The following SPAG16 variants were observed in gnomAD, a reference collection of about 807,000 sequenced individuals.
SPAG16 encodes the protein sperm-associated antigen 16 protein.
Under a neutral mutation model 80.4 loss-of-function variants are expected in SPAG16, and 86 were observed. That is an observed-to-expected ratio of 1.07 (90% CI 0.90 to 1.28). SPAG16 has a LOEUF of 1.28. Among genes scored for constraint, SPAG16 ranks in the 50% most tolerant of loss-of-function variants. The pLI is 0.00. For synonymous variants in SPAG16, 294 were observed against 265.9 expected (o/e 1.11, Z -1.03); for missense variants, 870 against 765.3 (o/e 1.14, Z -1.61).
chr2:213,478,485 T>G (rs1191963255), intron 9 of SPAG16, among the ~76,000 whole-genome samples: 2 of 152,124 alleles, frequency 1.3e-5, no homozygotes, highest in East Asian at 1.9e-4. Flanking sequence ...AATAGAAAAT[T>G]TTTAAGTGTG....
chr2:213,544,157 A>C (rs189335060), intron 10 of SPAG16, among the ~76,000 whole-genome samples: 1 of 151,232 alleles, frequency 6.6e-6, no homozygotes, highest in Non-Finnish European at 1.5e-5. Flanking sequence ...TTTTTCTTCT[A>C]TATGGTCCCA....
intron 15 of SPAG16, among the ~76,000 whole-genome samples, chr2:214,408,800 G>C (rs971915327): frequency 6.6e-6 from 1 of 152,144 alleles, no homozygotes; most frequent in Non-Finnish European, 1.5e-5. Flanking sequence ...TCGAAGTGCT[G>C]TGATTAAATG....
chr2:214,292,902 T>A (rs572515721), intron 15 of SPAG16, among the ~76,000 whole-genome samples: 1 of 152,336 alleles, frequency 6.6e-6, no homozygotes, highest in East Asian at 1.9e-4. Context: ...ATCTGTGATT[T>A]CATCAGCTGT....
At chr2:214,094,716 C>T (rs558636569) in intron 13 of SPAG16, among the ~76,000 whole-genome samples, 1 of 152,092 alleles carries the variant, frequency 6.6e-6, no homozygotes, top group Non-Finnish European at 1.5e-5. Context: ...TTTATGCCTT[C>T]ATTTTCCTCC....
Position 213,397,369 on chromosome 2 carries a change from C to G in SPAG16, c.942+22250C>G, listed in dbSNP as rs188237500. Reference sequence around the variant, plus strand: ...GTCCTGAAAGTCAGATAAGTGTCCCCTTTGCTTCTCATTGCTGCTTTCAGT... The same window carrying G: ...GTCCTGAAAGTCAGATAAGTGTCCCGTTTGCTTCTCATTGCTGCTTTCAGT... On this transcript the variant is annotated intron_variant, in intron 9 of 15. Transcript: ENST00000331683. 3.2e-4 allele frequency among the ~76,000 whole-genome samples: 49 copies of G among 152,290 alleles called. No individual in the cohort carries two copies. The East Asian group carries it at 8.3e-3, about 26-fold the overall frequency.
chr2:213,899,961 A>G, intron 11 of SPAG16, among the ~76,000 whole-genome samples: 1 of 152,160 alleles, frequency 6.6e-6, no homozygotes, highest in East Asian at 1.9e-4. Flanking sequence ...AGCTTTGTAC[A>G]ACTCTTAGTA....
At chr2:213,728,816 G>T (rs2066893078) in intron 10 of SPAG16, among the ~76,000 whole-genome samples, 1 of 144,066 alleles carries the variant, frequency 6.9e-6, no homozygotes, top group South Asian at 2.2e-4. Flanking sequence ...GGCAGAGCTT[G>T]CGGTGAGCTG....
chr2:213,365,633 T>G (rs2066238405), intron 8 of SPAG16, among the ~76,000 whole-genome samples: 1 of 135,378 alleles, frequency 7.4e-6, no homozygotes, highest in South Asian at 2.1e-4. Flanking sequence ...AATTTTTGTA[T>G]TTTTAGTAGA....
At chr2:213,435,817 T>C (rs746969504) in intron 9 of SPAG16, among the ~76,000 whole-genome samples, 2 of 152,304 alleles carry the variant, frequency 1.3e-5, no homozygotes, top group African/African-American at 2.4e-5. Flanking sequence ...ACATAAAATA[T>C]GTATTAAGGG....
intron 15 of SPAG16, among the ~76,000 whole-genome samples, chr2:214,381,754 G>A (rs771037649): frequency 3.3e-5 from 5 of 152,180 alleles, no homozygotes; most frequent in Non-Finnish European, 7.3e-5. Context: ...TAGTCAATCT[G>A]TTACTTAATC....
intron 12 of SPAG16, among the ~76,000 whole-genome samples, chr2:213,992,053 C>T (rs1271860106): frequency 6.6e-6 from 1 of 151,808 alleles, no homozygotes; most frequent in Non-Finnish European, 1.5e-5. Flanking sequence ...AAAGAAAAAG[C>T]CTGTTAATAT....
At chr2:214,017,876 C>T (rs1295277805) in intron 13 of SPAG16, among the ~76,000 whole-genome samples, 1 of 152,042 alleles carries the variant, frequency 6.6e-6, no homozygotes, top group African/African-American at 2.4e-5. Flanking sequence ...TACTATTATG[C>T]ATGCTAGCTT....
rs529177935 is a variant in SPAG16 at position 214,152,959 on chromosome 2, G to A, written c.1720+3693G>A. Among the ~76,000 whole-genome samples the A allele has an allele frequency of 5.9e-5, 9 of 152,206 alleles. No individual in the cohort carries two copies. In the South Asian group the frequency reaches 8.3e-4, roughly 14 times the overall value. On this transcript the variant is annotated intron_variant, in intron 15 of 15. Transcript: ENST00000331683. ...GGTATACAGGATGGAACATGAAGGC[G>A]GACTAGGAGCTTGACCACTGAAGCA...
intron 10 of SPAG16, among the ~76,000 whole-genome samples, chr2:213,599,646 A>C (rs960289053): frequency 3.9e-5 from 6 of 152,208 alleles, no homozygotes; most frequent in African/African-American, 1.4e-4. Flanking sequence ...TGATGTTATC[A>C]GTAAGGCTTC....
In SPAG16 at chr2:213,522,104, C is replaced by T. The variant is rs184695644; in HGVS notation, c.1070+32014C>T. Among the ~76,000 whole-genome samples the T allele has an allele frequency of 1.4e-3, 210 of 152,254 alleles. 2 individuals carry two copies. Among genetic ancestry groups the T allele is most frequent in the African/African-American group, 4.6e-3 (190 of 41,536 alleles). On this transcript the variant is annotated intron_variant, in intron 10 of 15. Coordinates refer to ENST00000331683, the MANE Select transcript of SPAG16 (RefSeq NM_024532.5). ...AGATCTATAGCATTGCTATCTTTTT[C>T]CTGTGGCTGGCTGTAAGAAATTAGC...
chr2:214,288,704 T>C (rs184292223), intron 15 of SPAG16, among the ~76,000 whole-genome samples: 128 of 152,206 alleles, frequency 8.4e-4, no homozygotes, highest in Middle Eastern at 3.4e-3. Context: ...TTTTATCATA[T>C]ACCACTTGAT....
chr2:213,357,303 G>T (rs534157219), intron 7 of SPAG16, among the ~76,000 whole-genome samples: 2 of 152,056 alleles, frequency 1.3e-5, no homozygotes, highest in Non-Finnish European at 1.5e-5. Flanking sequence ...TGAAGTCCTG[G>T]ATATCCTTGT....
At chr2:213,614,848 T>C (rs1401776574) in intron 10 of SPAG16, among the ~76,000 whole-genome samples, 1 of 152,212 alleles carries the variant, frequency 6.6e-6, no homozygotes, top group African/African-American at 2.4e-5. Flanking sequence ...AAATATTGCT[T>C]AAAAACATCA....
chr2:214,169,396 C>T (rs945787442), intron 15 of SPAG16, among the ~76,000 whole-genome samples: 1 of 151,968 alleles, frequency 6.6e-6, no homozygotes, highest in African/African-American at 2.4e-5. Flanking sequence ...GTTTAACTTT[C>T]TTTTGAGCAC....
Sources: gnomAD v4.1 joint callset for allele counts (sites outside exome capture counted in the v4.1 genomes callset) on GRCh38, gnomAD v4.1.1 for gene constraint, MANE v1.5 for transcripts, NCBI Gene and HGNC (gene_info 2026-07-23, HGNC 2026-07-21) for gene names.